CTIF: variants seen among roughly 807,000 people sequenced by gnomAD.
The protein encoded by CTIF is cap binding complex dependent translation initiation factor, also known as CBP80/20-dependent translation initiation factor.
CTIF carries 21 observed loss-of-function variants against 66.0 expected under a neutral mutation model. The ratio of observed to expected loss-of-function variants is 0.32; its 90% CI spans 0.23 to 0.46. CTIF has a LOEUF of 0.46. Ranked by LOEUF, CTIF falls within the 20% of genes least tolerant of loss-of-function variation. CTIF has a pLI of 1.00. For synonymous variants in CTIF, 345 were observed against 326.4 expected, an observed-to-expected ratio of 1.06 and a Z score of -0.62; for missense variants, 739 against 812.7, an observed-to-expected ratio of 0.91 and a Z score of 1.10.
At chr18:48,689,959 C>A (rs183369747) in intron 6 of CTIF, among the ~76,000 whole-genome samples, 1 of 152,168 alleles carries the variant, frequency 6.6e-6, no homozygotes, top group Non-Finnish European at 1.5e-5. Context: ...GAGATACTTA[C>A]ATCATAGAAA....
At chr18:48,745,827 G>T (rs2092591307) in intron 7 of CTIF, among the ~76,000 whole-genome samples, 1 of 152,182 alleles carries the variant, frequency 6.6e-6, no homozygotes, top group Non-Finnish European at 1.5e-5. Flanking sequence ...GTTCCACTAT[G>T]CATGAAGCCT....
At chr18:48,729,670 C>T (rs933595899) in intron 7 of CTIF, among the ~76,000 whole-genome samples, 1 of 152,212 alleles carries the variant, frequency 6.6e-6, no homozygotes, top group African/African-American at 2.4e-5. Context: ...AATGTTGGTC[C>T]TGTGGTGGAA....
chr18:48,717,491 C>G (rs1568161133), intron 7 of CTIF, among the ~76,000 whole-genome samples: 1 of 151,626 alleles, frequency 6.6e-6, no homozygotes, highest in Non-Finnish European at 1.5e-5. Context: ...CAACGTGAAC[C>G]CAGACCCTAA....
intron 9 of CTIF, among the ~76,000 whole-genome samples, chr18:48,810,145 A>G (rs1252882481): frequency 6.6e-6 from 1 of 152,136 alleles, no homozygotes; most frequent in Non-Finnish European, 1.5e-5. Flanking sequence ...GACATTTTAC[A>G]TTCTAGTTTT....
intron 6 of CTIF, among the ~76,000 whole-genome samples, chr18:48,684,487 G>A (rs560855926): frequency 1.8e-4 from 28 of 151,776 alleles, no homozygotes; most frequent in Non-Finnish European, 3.5e-4. Context: ...TTATTATACT[G>A]TTCTTTTTAA....
At chr18:48,721,697 A>G (rs2092337382) in intron 7 of CTIF, among the ~76,000 whole-genome samples, 1 of 152,140 alleles carries the variant, frequency 6.6e-6, no homozygotes, top group South Asian at 2.1e-4. Context: ...GGCAGATACG[A>G]GGGAAGTCCT....
chr18:48,817,768 C>T (rs2068398792), intron 10 of CTIF, among the ~76,000 whole-genome samples: 4 of 137,056 alleles, frequency 2.9e-5, no homozygotes, highest in Admixed American at 2.9e-4. Context: ...GAGCGAGACT[C>T]GGTCTCCAAA....
chr18:48,549,741 C>G (rs983729068), intron 1 of CTIF, among the ~76,000 whole-genome samples: 1 of 152,170 alleles, frequency 6.6e-6, no homozygotes, highest in Non-Finnish European at 1.5e-5. Context: ...TGAAGAGAAA[C>G]GGGTCAGTAC....
intron 10 of CTIF, among the ~76,000 whole-genome samples, chr18:48,844,977 C>A (rs1027180835): frequency 3.9e-5 from 6 of 152,254 alleles, no homozygotes; most frequent in Admixed American, 2.0e-4. Context: ...GGCACCTCAC[C>A]TCTACCTTTA....
intron 7 of CTIF, among the ~76,000 whole-genome samples, chr18:48,730,869 G>C (rs144551687): frequency 2.0e-5 from 3 of 151,654 alleles, no homozygotes; most frequent in African/African-American, 7.3e-5. Context: ...GGGGCCTCCC[G>C]CAGTGTGAGG....
chr18:48,729,922 C>T (rs767242872), intron 7 of CTIF, among the ~76,000 whole-genome samples: 1 of 152,176 alleles, frequency 6.6e-6, no homozygotes, highest in Non-Finnish European at 1.5e-5. Context: ...CCGCTCTTTC[C>T]AATCCACCCA....
intron 7 of CTIF, among the ~76,000 whole-genome samples, chr18:48,720,261 G>A (rs946090089): frequency 6.6e-6 from 1 of 152,188 alleles, no homozygotes; most frequent in South Asian, 2.1e-4. Flanking sequence ...GCTTCGCTAG[G>A]GGATGAGATG....
At chr18:48,767,972 A>C (rs1909735612) in intron 9 of CTIF, among the ~76,000 whole-genome samples, 1 of 152,164 alleles carries the variant, frequency 6.6e-6, no homozygotes, top group Non-Finnish European at 1.5e-5. Context: ...GACAAGCCTG[A>C]AGATGTATCT....
At chr18:48,600,004 G>C (rs2090061854) in intron 1 of CTIF, among the ~76,000 whole-genome samples, 1 of 152,100 alleles carries the variant, frequency 6.6e-6, no homozygotes, top group Non-Finnish European at 1.5e-5. Flanking sequence ...AGGTGAGAAG[G>C]GACAACTCAC....
At chr18:48,730,183 G>A (rs2092425631) in intron 7 of CTIF, among the ~76,000 whole-genome samples, 1 of 152,092 alleles carries the variant, frequency 6.6e-6, no homozygotes, top group Admixed American at 6.5e-5. Context: ...ACAGTGTGAG[G>A]GGCCCCCGAG....
At chr18:48,643,260 A>G (rs2144688350) in intron 3 of CTIF, among the ~76,000 whole-genome samples, 1 of 152,378 alleles carries the variant, frequency 6.6e-6, no homozygotes, top group Middle Eastern at 3.4e-3. Flanking sequence ...TTTATTTAAC[A>G]TGTATACATG....
At position 48,558,947 on chromosome 18, in the gene CTIF, G is replaced by C. The variant is rs75814006; in HGVS notation, c.-29+19635G>C. ...AAACTCATACTGGAAAACCTGATAA[G>C]CGTTTGCAGATCTTTTTCAGAATCT... On this transcript the variant is annotated intron_variant, in intron 1 of 11. Coordinates refer to ENST00000256413, the MANE Select transcript of CTIF (RefSeq NM_014772.3). 7.7e-3 allele frequency among the ~76,000 whole-genome samples: 1,173 copies of C among 152,308 alleles called. 9 individuals carry two copies. Among genetic ancestry groups the C allele is most frequent in the African/African-American group, 0.027 (1,128 of 41,564 alleles).
chr18:48,758,609 C>G (rs539044866), intron 8 of CTIF, among the ~76,000 whole-genome samples: 1 of 152,250 alleles, frequency 6.6e-6, no homozygotes, highest in African/African-American at 2.4e-5. Flanking sequence ...TGAACCCCTC[C>G]AGCACACTTG....
chr18:48,719,663 A>G (rs1048362879), intron 7 of CTIF, among the ~76,000 whole-genome samples: 1 of 152,226 alleles, frequency 6.6e-6, no homozygotes, highest in African/African-American at 2.4e-5. Flanking sequence ...AGTCCAGGCC[A>G]AAGTAACACT....
Sources: gnomAD v4.1 joint callset for allele counts (sites outside exome capture counted in the v4.1 genomes callset) on GRCh38, gnomAD v4.1.1 for gene constraint, MANE v1.5 for transcripts, NCBI Gene and HGNC (gene_info 2026-07-23, HGNC 2026-07-21) for gene names.